Variants in CCSER2 observed in about 807,000 individuals in gnomAD.
CCSER2 encodes serine-rich coiled-coil domain-containing protein 2.
In CCSER2, 46 loss-of-function variants were observed where a neutral mutation model predicts 92.3. The observed-to-expected ratio is 0.50, with a 90% CI of 0.39 to 0.64. The LOEUF (loss-of-function observed/expected upper bound fraction) is 0.64. Ranked by LOEUF, CCSER2 falls within the 30% of genes least tolerant of loss-of-function variation. CCSER2 has a pLI of 0.00. For synonymous variants in CCSER2, 433 were observed against 431.4 expected, an observed-to-expected ratio of 1.00 and a Z score of -0.04; for missense variants, 1,244 against 1,238.9, an observed-to-expected ratio of 1.00 and a Z score of -0.06.
Position 84,513,651 on chromosome 10 carries a change from C to T in CCSER2, c.2528C>T (p.Ser843Leu). The change falls in exon 10 of 10, where the codon TCA (serine) becomes TTA (leucine). Residue 843 changes from serine to leucine, a missense_variant. Physicochemically the swap from Ser to Leu is moderately radical, Grantham distance 145. Transcript: ENST00000372088. ...GGTTTGGAAGAGCAGCCTTTTTCAT[C>T]AGGCCCACAATTAACAATGGATGTG... ...NYGLEEQPFS[S>L]GPQLTMDVAK... 1 of 1,580,228 alleles carries T rather than the reference C, an allele frequency of 6.3e-7. No individual in the cohort carries two copies. Among genetic ancestry groups the T allele is most frequent in the Non-Finnish European group, 8.6e-7 (1 of 1,165,020 alleles).
At chr10:84,416,102 C>T (rs1000753500) in intron 3 of CCSER2, among the ~76,000 whole-genome samples, 2 of 152,200 alleles carry the variant, frequency 1.3e-5, no homozygotes, top group Non-Finnish European at 1.5e-5. Context: ...ATCTCCTTAT[C>T]CTCTGGTTGC....
At chr10:84,457,280 T>TATATATAA (rs1415390989) in intron 6 of CCSER2, among the ~76,000 whole-genome samples, 2,583 of 18,142 alleles carry the variant, frequency 0.14, 149 homozygotes, top group East Asian at 0.17. Flanking sequence ...TATAATATAT[T>TATATATAA]ATATATTATA....
chr10:84,462,117 G>A (rs1846135273), intron 6 of CCSER2, among the ~76,000 whole-genome samples: 1 of 152,134 alleles, frequency 6.6e-6, no homozygotes, highest in African/African-American at 2.4e-5. Context: ...CAAAGTCTTT[G>A]CTATGCTGTT....
At chr10:84,337,111 A>G (rs1325694524) in intron 1 of CCSER2, among the ~76,000 whole-genome samples, 1 of 152,228 alleles carries the variant, frequency 6.6e-6, no homozygotes, top group Non-Finnish European at 1.5e-5. Flanking sequence ...ACAAGTCTGC[A>G]GTTCACAGCA....
intron 7 of CCSER2, among the ~76,000 whole-genome samples, chr10:84,464,405 G>T (rs1438274704): frequency 6.7e-6 from 1 of 149,380 alleles, no homozygotes; most frequent in East Asian, 2.0e-4. Flanking sequence ...TAAAAATACA[G>T]AATACAGATG....
At chr10:84,392,628 C>T (rs1008970869) in intron 3 of CCSER2, among the ~76,000 whole-genome samples, 4 of 151,792 alleles carry the variant, frequency 2.6e-5, no homozygotes, top group Non-Finnish European at 5.9e-5. Flanking sequence ...GCTTGCCTTC[C>T]CATAGTAGAA....
intron 9 of CCSER2, among the ~76,000 whole-genome samples, chr10:84,511,648 A>G (rs535299152): frequency 1.3e-5 from 2 of 152,294 alleles, no homozygotes; most frequent in South Asian, 2.1e-4. Context: ...CAACCAACCA[A>G]TTGATCGTGC....
rs866423940 is a variant in CCSER2 at position 84,508,972 on chromosome 10, G to A, written c.2326-4477G>A. Among the ~76,000 whole-genome samples the A allele has an allele frequency of 5.3e-5, 8 of 152,126 alleles. 1 individual carries two copies. The South Asian group carries it at 1.7e-3, about 31-fold the overall frequency. On this transcript the variant is annotated intron_variant, in intron 9 of 9. Transcript: ENST00000372088. ...TTTCTAGTAGCTGAATGCTTGTTAA[G>A]ATACTTTCCCCAACCTATTTCTAGT... is the stretch of plus-strand genomic sequence containing the variant.
chr10:84,373,531 A>C, intron 2 of CCSER2, 88 bp from the exon 3 acceptor site: 1 of 991,332 alleles, frequency 1.0e-6, no homozygotes, highest in Non-Finnish European at 1.5e-6. Flanking sequence ...CTTTTTTGCT[A>C]TGATATATCA....
chr10:84,442,084 A>G (rs986270563), intron 6 of CCSER2, among the ~76,000 whole-genome samples: 3 of 152,092 alleles, frequency 2.0e-5, no homozygotes, highest in Admixed American at 1.3e-4. Flanking sequence ...CAGACTTTCA[A>G]TTCATTCCCA....
chr10:84,379,475 G>T (rs1840774931), intron 3 of CCSER2, among the ~76,000 whole-genome samples: 1 of 151,464 alleles, frequency 6.6e-6, no homozygotes, highest in African/African-American at 2.4e-5. Flanking sequence ...CAAAGTTTTT[G>T]ACATGGAAAC....
At chr10:84,484,434 AT>A (rs1257859639) in intron 9 of CCSER2, among the ~76,000 whole-genome samples, 1 of 151,740 alleles carries the variant, frequency 6.6e-6, no homozygotes, top group Non-Finnish European at 1.5e-5. Flanking sequence ...CTGATTTTAA[AT>A]TTTAATGAGC....
At chr10:84,404,705 G>A (rs775638916) in intron 3 of CCSER2, among the ~76,000 whole-genome samples, 6 of 152,096 alleles carry the variant, frequency 3.9e-5, no homozygotes, top group Non-Finnish European at 5.9e-5. Flanking sequence ...AGTGAGTTTA[G>A]CAATGTTGCA....
chr10:84,365,284 C>A (rs1174469522), intron 1 of CCSER2, among the ~76,000 whole-genome samples: 2 of 152,062 alleles, frequency 1.3e-5, no homozygotes, highest in Non-Finnish European at 2.9e-5. Flanking sequence ...AGACACCTAA[C>A]AGATTACAGT....
At chr10:84,476,003 G>C (rs533492636) in intron 8 of CCSER2, among the ~76,000 whole-genome samples, 1 of 151,932 alleles carries the variant, frequency 6.6e-6, no homozygotes, top group Non-Finnish European at 1.5e-5. Context: ...GGCTGTTTTT[G>C]TTGTGTGTTT....
intron 1 of CCSER2, among the ~76,000 whole-genome samples, chr10:84,341,857 A>G (rs1449921011): frequency 6.6e-6 from 1 of 152,250 alleles, no homozygotes; most frequent in African/African-American, 2.4e-5. Context: ...ATATAGATGA[A>G]CAGCCAGATG....
At chr10:84,491,458 C>T (rs1848160693) in intron 9 of CCSER2, among the ~76,000 whole-genome samples, 1 of 152,190 alleles carries the variant, frequency 6.6e-6, no homozygotes, top group African/African-American at 2.4e-5. Context: ...CCTCCCCCAG[C>T]CTTGCTGCCA....
chr10:84,434,533 T>C (rs1359590950), intron 5 of CCSER2, among the ~76,000 whole-genome samples: 2 of 152,220 alleles, frequency 1.3e-5, no homozygotes. Flanking sequence ...AATACATAGA[T>C]GCAAAGCAAA....
chr10:84,511,143 A>G (rs1190616675), intron 9 of CCSER2, among the ~76,000 whole-genome samples: 1 of 152,224 alleles, frequency 6.6e-6, no homozygotes, highest in African/African-American at 2.4e-5. Context: ...TAAAACTGTT[A>G]AATTCCTCTC....
Sources: gnomAD v4.1 joint callset for allele counts (sites outside exome capture counted in the v4.1 genomes callset) on GRCh38, gnomAD v4.1.1 for gene constraint, MANE v1.5 for transcripts, NCBI Gene and HGNC (gene_info 2026-07-23, HGNC 2026-07-21) for gene names.